NEMP2: variants seen among roughly 807,000 people sequenced by gnomAD.
NEMP2 encodes the protein nuclear envelope integral membrane protein 2.
In NEMP2, 53 loss-of-function variants were observed where a neutral mutation model predicts 54.2. That is an observed-to-expected ratio of 0.98 (90% CI 0.78 to 1.23). The LOEUF (loss-of-function observed/expected upper bound fraction) is 1.23. Ranked by LOEUF, NEMP2 falls within the 50% of genes most tolerant of loss-of-function variation. The pLI, the probability that NEMP2 is intolerant of heterozygous loss-of-function variation, is 0.00. For missense variants in NEMP2, 455 were observed against 511.3 expected (o/e 0.89, Z 1.06); for synonymous variants, 197 against 190.3 (o/e 1.04, Z -0.29).
the NEMP2 span, among the ~76,000 whole-genome samples, chr2:190,473,488 A>G: frequency 6.6e-6 from 1 of 152,212 alleles, no homozygotes; most frequent in African/African-American, 2.4e-5. Flanking sequence ...CCATTACATA[A>G]TGGTAAAGGG....
Position 190,508,847 on chromosome 2 carries a change from C to T in NEMP2, c.*342G>A. 7.7e-6 allele frequency: 2 copies of T among 258,998 alleles called. No homozygotes were observed. Among genetic ancestry groups the T allele is most frequent in the Non-Finnish European group, 1.5e-5 (2 of 134,120 alleles). The allele number at this position is 258,998 out of a possible 1,614,324, so 16.0% of individuals were successfully genotyped here. ...TGACACAGGTTCAGGGGATTAAGAC[C>T]AGATTTAGTGCCCTGGTGTCGACAA... On this transcript the variant is annotated 3_prime_UTR_variant, in exon 9 of 9. Transcript: ENST00000409150. This position sits in a 1 kb window ranked among gnomAD's most constrained non-coding sequence, Gnocchi z 4.3.
rs765656660 is a variant in NEMP2 at position 190,506,856 on chromosome 2, T to C, written c.*2333A>G. The C allele has an allele frequency of 3.3e-5, 5 of 152,168 alleles. No homozygotes were observed. The highest frequency in any genetic ancestry group is 4.8e-5 in the African/African-American group (2 of 41,440). The allele number at this position is 152,168 out of a possible 1,614,324, so 9.4% of individuals were successfully genotyped here. On this transcript the variant is annotated 3_prime_UTR_variant, in exon 9 of 9. Transcript: ENST00000409150. This position sits in a 1 kb window ranked among gnomAD's most constrained non-coding sequence, Gnocchi z 6.3. Reference sequence around the variant, plus strand: ...GTTAGGCTCCATAATTATACACCTATGGTGTGTGAGGCACAAAGCCAACTT... The same window carrying C: ...GTTAGGCTCCATAATTATACACCTACGGTGTGTGAGGCACAAAGCCAACTT...
chr2:190,474,735 A>T, the NEMP2 span, among the ~76,000 whole-genome samples: 1 of 152,258 alleles, frequency 6.6e-6, no homozygotes, highest in African/African-American at 2.4e-5. Flanking sequence ...CATCATCCTG[A>T]TACCAAAGCC....
rs1690496865 is a variant in NEMP2 at position 190,514,849 on chromosome 2, A to G, written c.728-171T>C. On this transcript the variant is annotated intron_variant, in intron 6 of 8. Transcript: ENST00000409150. This position sits in a 1 kb window ranked among gnomAD's most constrained non-coding sequence, Gnocchi z 5.7. ...GCACATAGGGTGTTATTCCTTCCATATGAGATACTAGGCTGACTTTCGCAA... is the reference window on the plus strand; with the variant it reads ...GCACATAGGGTGTTATTCCTTCCATGTGAGATACTAGGCTGACTTTCGCAA... Among the ~76,000 whole-genome samples the G allele has an allele frequency of 6.6e-6, 1 of 152,176 alleles. No individual in the cohort carries two copies. Among genetic ancestry groups the G allele is most frequent in the Non-Finnish European group, 1.5e-5 (1 of 68,010 alleles).
rs201105504 is a variant in NEMP2 at position 190,518,759 on chromosome 2, G to T, written c.495C>A (p.Phe165Leu). The T allele has an allele frequency of 1.3e-6, 2 of 1,543,550 alleles. No homozygotes were observed. Among genetic ancestry groups the T allele is most frequent in the Non-Finnish European group, 1.7e-6 (2 of 1,145,054 alleles). ...ACTGACTCAGGGTCCTTGCATAAAA[G>T]AAAAGAAAAACTCCTGCCACAAACA... Reference protein sequence around the residue: ...FLVFVAGVFLFFYARTLSQSP... With the variant: ...FLVFVAGVFLLFYARTLSQSP... Residue 165 changes from phenylalanine to leucine, a missense_variant, in exon 4 of 9, where the codon TTC becomes TTA. Physicochemically the swap from Phe to Leu is conservative, Grantham distance 22. Around this residue, in one of 3 missense-constraint regions of NEMP2, gnomAD observed 294 missense variants for 333.6 expected, o/e 0.88. Coordinates refer to ENST00000409150, the MANE Select transcript of NEMP2 (RefSeq NM_001142645.2).
the NEMP2 span, among the ~76,000 whole-genome samples, chr2:190,546,753 A>G: frequency 6.6e-6 from 1 of 152,140 alleles, no homozygotes; most frequent in Non-Finnish European, 1.5e-5. This position sits in a 1 kb window ranked among gnomAD's most constrained non-coding sequence, Gnocchi z 5.1. Context: ...TTGTTGAGGT[A>G]TATATTAGCT....
upstream of NEMP2, among the ~76,000 whole-genome samples, chr2:190,539,577 G>A (rs537639394): frequency 6.6e-6 from 1 of 152,168 alleles, no homozygotes; most frequent in African/African-American, 2.4e-5. The surrounding 1 kb of genome is among the most constrained non-coding windows in gnomAD (Gnocchi z 4.1). Context: ...TCCAATCCAT[G>A]AAATCTTAAA....
At chr2:190,515,600 CTG>C (rs1367255476) in intron 6 of NEMP2, among the ~76,000 whole-genome samples, 5 of 152,090 alleles carry the variant, frequency 3.3e-5, no homozygotes, top group Admixed American at 6.5e-5. Context: ...ACCATGGTAT[CTG>C]TAATTTAAAA....
At chr2:190,466,391 T>C in the NEMP2 span, among the ~76,000 whole-genome samples, 1 of 152,366 alleles carries the variant, frequency 6.6e-6, no homozygotes, top group South Asian at 2.1e-4. Flanking sequence ...TGCCTTTTCA[T>C]AGATCCAAAT....
the NEMP2 span, among the ~76,000 whole-genome samples, chr2:190,643,099 G>T: frequency 7.9e-6 from 1 of 126,658 alleles, no homozygotes; most frequent in African/African-American, 3.0e-5. Flanking sequence ...ACTAATCATT[G>T]AGCAGTTTTA....
the NEMP2 span, among the ~76,000 whole-genome samples, chr2:190,450,488 C>CTTTTTTTTTTTTTTTTTTTT: frequency 1.0e-5 from 1 of 97,254 alleles, no homozygotes; most frequent in Non-Finnish European, 1.9e-5. Context: ...TCTCTTTTTC[C>CTTTTTTTTTTTTTTTTTTTT]TTTTTTTTTT....
the NEMP2 span, chr2:190,442,982 T>C: frequency 2.6e-5 from 4 of 152,242 alleles, no homozygotes. Flanking sequence ...TATTGAAATG[T>C]TGGTCTGTGC....
At position 190,529,177 on chromosome 2, in the gene NEMP2, A is replaced by AAAACAAAAAC. The variant is rs1212911608; in HGVS notation, c.98-3809_98-3800dup. On this transcript the variant is annotated intron_variant, in intron 1 of 8. Coordinates refer to ENST00000409150, the MANE Select transcript of NEMP2 (RefSeq NM_001142645.2). This position sits in a 1 kb window ranked among gnomAD's most constrained non-coding sequence, Gnocchi z 4.7. ...GGGCGACAGAGTGAGACTCTGTCTC[A>AAAACAAAAAC]AAACAAAAACAAACACAAACAAACA... Among the ~76,000 whole-genome samples the AAAACAAAAAC allele has an allele frequency of 3.9e-5, 6 of 152,284 alleles. 1 individual carries two copies. In the South Asian group the frequency reaches 1.0e-3, roughly 26 times the overall value.
At chr2:190,436,227 C>T in the NEMP2 span, 1,781 of 1,614,020 alleles carry the variant, frequency 1.1e-3, 13 homozygotes, top group Middle Eastern at 0.011. The surrounding 1 kb of genome is among the most constrained non-coding windows in gnomAD (Gnocchi z 5.3). Context: ...AGATAAACAA[C>T]GATCTTCTAA....
At chr2:190,437,929 A>T in the NEMP2 span, among the ~76,000 whole-genome samples, 3 of 152,218 alleles carry the variant, frequency 2.0e-5, no homozygotes, top group South Asian at 6.2e-4. The surrounding 1 kb of genome is among the most constrained non-coding windows in gnomAD (Gnocchi z 5.9). Flanking sequence ...GCATTTATGA[A>T]CCAGAGCTTA....
the NEMP2 span, chr2:190,646,877 T>C: frequency 6.6e-6 from 1 of 152,252 alleles, no homozygotes. Context: ...ACTCATTTCG[T>C]GACTCATGAA....
chr2:190,646,412 T>C, the NEMP2 span, among the ~76,000 whole-genome samples: 2,639 of 152,198 alleles, frequency 0.017, 26 homozygotes, highest in South Asian at 0.044. Flanking sequence ...CCTGGTAAGG[T>C]GGAAAAAAAG....
the NEMP2 span, among the ~76,000 whole-genome samples, chr2:190,467,841 A>G: frequency 2.0e-5 from 3 of 152,246 alleles, no homozygotes; most frequent in Non-Finnish European, 4.4e-5. The surrounding 1 kb of genome is among the most constrained non-coding windows in gnomAD (Gnocchi z 5.5). Flanking sequence ...TTGTTGGAAC[A>G]TGGCCATGCT....
the NEMP2 span, among the ~76,000 whole-genome samples, chr2:190,618,087 TC>T: frequency 6.6e-6 from 1 of 152,212 alleles, no homozygotes; most frequent in Non-Finnish European, 1.5e-5. Context: ...GTATTCTATC[TC>T]ATTACAGAGC....
Sources: gnomAD v4.1 joint callset for allele counts (sites outside exome capture counted in the v4.1 genomes callset) on GRCh38, gnomAD v4.1.1 for gene constraint, gnomAD v4.1.1 regional missense constraint, Gnocchi (gnomAD v3.1) non-coding constraint, MANE v1.5 for transcripts, NCBI Gene and HGNC (gene_info 2026-07-23, HGNC 2026-07-21) for gene names.